TMEM117: variants seen among roughly 807,000 people sequenced by gnomAD.
The protein encoded by TMEM117 is transmembrane protein 117.
In TMEM117, 27 loss-of-function variants were observed where a neutral mutation model predicts 52.4. That is an observed-to-expected ratio of 0.51 (90% CI 0.38 to 0.71). The LOEUF (loss-of-function observed/expected upper bound fraction) is 0.71. Ranked by LOEUF, TMEM117 falls within the 30% of genes least tolerant of loss-of-function variation. The pLI is 0.00. For synonymous variants in TMEM117, 215 were observed against 206.3 expected (o/e 1.04, Z -0.36); for missense variants, 556 against 630.5 (o/e 0.88, Z 1.26).
chr12:44,378,217 T>G (rs1951969521), intron 7 of TMEM117, among the ~76,000 whole-genome samples: 1 of 152,096 alleles, frequency 6.6e-6, no homozygotes, highest in African/African-American at 2.4e-5. Context: ...AATATCCTGC[T>G]TAAGTACAGA....
chr12:43,865,290 TCCTTCTAACTTTA>T (rs752493473), intron 2 of TMEM117, among the ~76,000 whole-genome samples: 15 of 152,210 alleles, frequency 9.9e-5, no homozygotes, highest in East Asian at 5.8e-4. Context: ...ATTGGTAAAG[TCCTTCTAACTTTA>T]CCTTCTAACT....
chr12:44,048,807 A>C (rs375570289), intron 3 of TMEM117, among the ~76,000 whole-genome samples: 47 of 152,338 alleles, frequency 3.1e-4, no homozygotes, highest in Admixed American at 9.8e-4. Flanking sequence ...AACAAGAGAA[A>C]TACAAACACG....
rs562851506 is a variant in TMEM117, at chr12:44,027,971, C to T, written c.410+83629C>T. On this transcript the variant is annotated intron_variant, in intron 3 of 7. Coordinates refer to ENST00000266534, the MANE Select transcript of TMEM117 (RefSeq NM_032256.3). ...CTGTAATCCCAGCACTTAGGGAGGC[C>T]GAGGTGAGCGGATCACGAGGTCAGG... 7.9e-5 allele frequency among the ~76,000 whole-genome samples: 12 copies of T among 152,176 alleles called. No homozygotes were observed. In the South Asian group the frequency reaches 8.3e-4, roughly 11 times the overall value.
intron 2 of TMEM117, among the ~76,000 whole-genome samples, chr12:43,929,420 G>A (rs567756354): frequency 1.2e-4 from 18 of 151,904 alleles, no homozygotes; most frequent in Middle Eastern, 3.4e-3. Context: ...AATTAATATT[G>A]CCAACAATTT....
At chr12:44,394,616 C>T (rs963712349), downstream of TMEM117, among the ~76,000 whole-genome samples, 1 of 152,190 alleles carries the variant, frequency 6.6e-6, no homozygotes, top group Non-Finnish European at 1.5e-5. Context: ...GTTTCCTAGG[C>T]TCTAGAGTTC....
At chr12:44,283,171 G>C (rs1421428286) in intron 5 of TMEM117, among the ~76,000 whole-genome samples, 1 of 152,240 alleles carries the variant, frequency 6.6e-6, no homozygotes, top group Non-Finnish European at 1.5e-5. Context: ...GAGAACCTTT[G>C]CTAGGGCAGT....
chr12:43,913,380 T>G (rs968284185), intron 2 of TMEM117, among the ~76,000 whole-genome samples: 2 of 152,216 alleles, frequency 1.3e-5, no homozygotes, highest in African/African-American at 4.8e-5. Flanking sequence ...TATAATCATA[T>G]TTTGAACTTC....
intron 2 of TMEM117, among the ~76,000 whole-genome samples, chr12:43,917,971 C>T (rs529727638): frequency 2.0e-5 from 3 of 152,228 alleles, no homozygotes; most frequent in African/African-American, 7.2e-5. Context: ...GTCATCTTTA[C>T]TAGTTTGTTA....
intron 5 of TMEM117, among the ~76,000 whole-genome samples, chr12:44,295,485 G>A (rs116694724): frequency 0.047 from 7,167 of 152,106 alleles, 345 homozygotes; most frequent in African/African-American, 0.12. Flanking sequence ...CTGGGATTAC[G>A]GGCATAAGCC....
chr12:44,180,242 GTCA>G (rs201075517), intron 4 of TMEM117, among the ~76,000 whole-genome samples: 2,442 of 151,582 alleles, frequency 0.016, 26 homozygotes, highest in Middle Eastern at 0.027. Context: ...CATCATCATC[GTCA>G]TCATCATCAT....
At chr12:43,800,372 C>T in the TMEM117 span, 141 of 1,219,182 alleles carry the variant, frequency 1.2e-4, 1 homozygote, top group African/African-American at 1.6e-3. Context: ...TTACCCATTA[C>T]CTAGGAGTTC....
At chr12:44,154,342 C>T (rs905737262) in intron 4 of TMEM117, among the ~76,000 whole-genome samples, 2 of 151,932 alleles carry the variant, frequency 1.3e-5, no homozygotes, top group Non-Finnish European at 2.9e-5. Flanking sequence ...CCACGTGGGC[C>T]GTGTTAAGAA....
chr12:44,303,168 C>T (rs1403801021), intron 6 of TMEM117, among the ~76,000 whole-genome samples: 2 of 151,992 alleles, frequency 1.3e-5, no homozygotes, highest in African/African-American at 4.8e-5. Context: ...CTCAGCCTCC[C>T]AGGTAGCTGG....
At chr12:44,244,782 G>A (rs1361115490) in intron 5 of TMEM117, among the ~76,000 whole-genome samples, 4 of 151,896 alleles carry the variant, frequency 2.6e-5, no homozygotes, top group African/African-American at 9.7e-5. Context: ...CAATGTCATG[G>A]ATCTTTTCCT....
At chr12:43,849,254 C>T (rs1392552748) in intron 2 of TMEM117, among the ~76,000 whole-genome samples, 1 of 152,156 alleles carries the variant, frequency 6.6e-6, no homozygotes, top group Admixed American at 6.5e-5. Context: ...ACAGTAGATA[C>T]CTGTTACAAG....
chr12:44,195,168 T>A (rs1001116699), intron 4 of TMEM117, among the ~76,000 whole-genome samples: 1 of 152,210 alleles, frequency 6.6e-6, no homozygotes, highest in African/African-American at 2.4e-5. Context: ...CTTGGCTCTT[T>A]CCTGGAGGAG....
chr12:44,331,177 C>T (rs371055109), intron 6 of TMEM117, among the ~76,000 whole-genome samples: 5 of 149,658 alleles, frequency 3.3e-5, no homozygotes, highest in Admixed American at 6.6e-5. Context: ...CTAGTGGGAC[C>T]TTTTTTTAAA....
At chr12:44,163,732 C>G (rs1156566582) in intron 4 of TMEM117, among the ~76,000 whole-genome samples, 1 of 152,122 alleles carries the variant, frequency 6.6e-6, no homozygotes, top group Admixed American at 6.6e-5. Flanking sequence ...ATTTTAAGAG[C>G]ATTGTTGGAT....
chr12:43,968,747 T>C (rs969572596), intron 3 of TMEM117, among the ~76,000 whole-genome samples: 1 of 152,182 alleles, frequency 6.6e-6, no homozygotes, highest in Non-Finnish European at 1.5e-5. Flanking sequence ...ATTAGAGTCA[T>C]CAGATTATAG....
Sources: gnomAD v4.1 joint callset for allele counts (sites outside exome capture counted in the v4.1 genomes callset) on GRCh38, gnomAD v4.1.1 for gene constraint, MANE v1.5 for transcripts, NCBI Gene and HGNC (gene_info 2026-07-23, HGNC 2026-07-21) for gene names.